SMAP2: variants seen among roughly 807,000 people sequenced by gnomAD.
SMAP2 encodes the protein small ArfGAP2, also known as stromal membrane-associated protein 2.
SMAP2 carries 25 observed loss-of-function variants against 56.4 expected under a neutral mutation model. That is an observed-to-expected ratio of 0.44 (90% CI 0.32 to 0.62). SMAP2 has a LOEUF of 0.62. Among genes scored for constraint, SMAP2 ranks in the 20% least tolerant of loss-of-function variants. SMAP2 has a pLI of 0.04. For synonymous variants in SMAP2, 157 were observed against 181.7 expected, an observed-to-expected ratio of 0.86 and a Z score of 1.09; for missense variants, 388 against 545.6, an observed-to-expected ratio of 0.71 and a Z score of 2.88.
Position 40,374,577 on chromosome 1 carries a change from T to G in SMAP2, c.103+354T>G, listed in dbSNP as rs1569836998. The G allele has an allele frequency of 1.1e-6, 1 of 927,252 alleles. No homozygotes were observed. Among genetic ancestry groups the G allele is most frequent in the Non-Finnish European group, 1.7e-6 (1 of 600,986 alleles). 57.4% of individuals were successfully genotyped at this position (927,252 alleles called of 1,614,324 possible). A position where few individuals can be genotyped will look rare whatever the true frequency, so the allele number is the denominator to read the frequency against. On this transcript the variant is annotated intron_variant, in intron 1 of 9. Coordinates refer to ENST00000372718, the MANE Select transcript of SMAP2 (RefSeq NM_022733.3). The surrounding 1 kb of genome is among the most constrained non-coding windows in gnomAD (Gnocchi z 5.9). ...CTTGCAAAGCTGGGGATGAACTGCATTGCGTGCGTGCGTGCGTGCGTGTGT... is the reference window on the plus strand; with the variant it reads ...CTTGCAAAGCTGGGGATGAACTGCAGTGCGTGCGTGCGTGCGTGCGTGTGT...
rs771798079 is a variant in SMAP2 at position 40,374,236 on chromosome 1, A to G, written c.103+13A>G. On this transcript the variant is annotated intron_variant, in intron 1 of 9. Coordinates refer to ENST00000372718, the MANE Select transcript of SMAP2 (RefSeq NM_022733.3). This position sits in a 1 kb window ranked among gnomAD's most constrained non-coding sequence, Gnocchi z 5.9. ...TGCCAGTCTAAAGGTAGCGCATCCC[A>G]CCTGGCGGGCCAGGGGTCCAGCCGC... 4 of 1,599,676 alleles carry G rather than the reference A, an allele frequency of 2.5e-6. No homozygotes were observed. In the Admixed American group the frequency reaches 6.9e-5, roughly 28 times the overall value.
At chr1:40,413,245 G>A (rs1384747375) in intron 5 of SMAP2, 143 bp downstream of exon 5, 5 of 683,084 alleles carry the variant, frequency 7.3e-6, no homozygotes, top group African/African-American at 1.8e-5. Context: ...TGGACTGCCT[G>A]CTATCATTTC....
At chr1:40,406,027 G>T (rs912419190) in intron 1 of SMAP2, among the ~76,000 whole-genome samples, 1 of 152,108 alleles carries the variant, frequency 6.6e-6, no homozygotes, top group African/African-American at 2.4e-5. Flanking sequence ...CCTGGGGTTG[G>T]GGGGAAGATA....
chr1:40,360,804 C>A (rs560542364), intron 1 of SMAP2, among the ~76,000 whole-genome samples: 2 of 152,308 alleles, frequency 1.3e-5, no homozygotes, highest in South Asian at 4.1e-4. Context: ...GCATTTAGAT[C>A]AATCCTCACC....
chr1:40,400,195 G>A (rs1269777725), intron 1 of SMAP2, among the ~76,000 whole-genome samples: 1 of 152,182 alleles, frequency 6.6e-6, no homozygotes, highest in Non-Finnish European at 1.5e-5. Flanking sequence ...CCTGAGGAAG[G>A]AACATGTTGG....
intron 1 of SMAP2, among the ~76,000 whole-genome samples, chr1:40,348,389 C>T (rs1346343820): frequency 6.6e-6 from 1 of 152,106 alleles, no homozygotes; most frequent in Non-Finnish European, 1.5e-5. Context: ...TCTTTGCCAA[C>T]ATGGAGGTTG....
Position 40,422,246 on chromosome 1 carries a change from G to A in SMAP2, c.*145G>A. 3 of 1,119,922 alleles carry A rather than the reference G, an allele frequency of 2.7e-6. No individual in the cohort carries two copies. The highest frequency in any genetic ancestry group is 3.8e-6 in the Non-Finnish European group (3 of 796,990). 69.4% of individuals were successfully genotyped at this position (1,119,922 alleles called of 1,614,324 possible). On this transcript the variant is annotated 3_prime_UTR_variant, in exon 10 of 10. Transcript: ENST00000372718. ...TAAGTCATTTGGGGTTTGGCATCCT[G>A]CCCAGCCACTTCCCAAACATGAAGA...
intron 6 of SMAP2, 64 bp from the exon 7 acceptor site, chr1:40,415,208 G>A: frequency 7.8e-7 from 1 of 1,280,408 alleles, no homozygotes; most frequent in Non-Finnish European, 1.1e-6. Context: ...TTTTTGTCTA[G>A]AATAGAAGGA....
intron 5 of SMAP2, 77 bp from the exon 6 acceptor site, chr1:40,414,082 C>T (rs1248569939): frequency 1.8e-5 from 24 of 1,297,958 alleles, no homozygotes; most frequent in Middle Eastern, 1.8e-4. Flanking sequence ...ACAAGAACAC[C>T]GTGGCTTTAC....
chr1:40,398,106 T>C (rs187918577), intron 1 of SMAP2, among the ~76,000 whole-genome samples: 339 of 152,348 alleles, frequency 2.2e-3, no homozygotes, highest in African/African-American at 7.4e-3. Context: ...AGAAAGCTCA[T>C]TGCAAACAAT....
intron 1 of SMAP2, among the ~76,000 whole-genome samples, chr1:40,389,924 C>T (rs3766412): frequency 6.7e-6 from 1 of 150,318 alleles, no homozygotes; most frequent in African/African-American, 2.5e-5. Flanking sequence ...TCCCCTCCCC[C>T]GCCCACCCCC....
In SMAP2 at chr1:40,423,135, C is replaced by G. The variant is rs924295135; in HGVS notation, c.*1034C>G. ...TTCATGCCTGTGTATCCAGGGTGCT[C>G]TGTTTCCCCACCGTTCCCAGGTGTA... is the stretch of plus-strand genomic sequence containing the variant. On this transcript the variant is annotated 3_prime_UTR_variant, in exon 10 of 10. Coordinates refer to ENST00000372718, the MANE Select transcript of SMAP2 (RefSeq NM_022733.3). 1 of 152,654 alleles carries G rather than the reference C, an allele frequency of 6.6e-6. No individual in the cohort carries two copies. Among genetic ancestry groups the G allele is most frequent in the Non-Finnish European group, 1.5e-5 (1 of 68,080 alleles). The allele number at this position is 152,654 out of a possible 1,614,324, so 9.5% of individuals were successfully genotyped here.
At chr1:40,401,084 C>T (rs1158702911) in intron 1 of SMAP2, among the ~76,000 whole-genome samples, 1 of 152,086 alleles carries the variant, frequency 6.6e-6, no homozygotes, top group Non-Finnish European at 1.5e-5. Context: ...AAGGTGAAAC[C>T]CCGTCTCTAC....
At chr1:40,390,118 T>A (rs866457933) in intron 1 of SMAP2, among the ~76,000 whole-genome samples, 28 of 152,180 alleles carry the variant, frequency 1.8e-4, no homozygotes, top group African/African-American at 5.3e-4. Flanking sequence ...ATCTCCATCT[T>A]TTGCTCTCCT....
chr1:40,357,132 T>C lies in SMAP2; in HGVS notation c.-82-5168T>C, dbSNP rs530158396. Among the ~76,000 whole-genome samples the C allele has an allele frequency of 3.3e-4, 40 of 121,064 alleles. 1 individual carries two copies. The highest frequency in any genetic ancestry group is 1.2e-3 in the African/African-American group (40 of 33,080). 79.4% of individuals were successfully genotyped at this position (121,064 alleles called of 152,430 possible). ...TCTGTGGGTTGTCTCTTCATTTTGTTGATTATTTCCTTTGGATTGTTGAGT... is the reference window on the plus strand; with the variant it reads ...TCTGTGGGTTGTCTCTTCATTTTGTCGATTATTTCCTTTGGATTGTTGAGT... On this transcript the variant is annotated intron_variant, in intron 1 of 6. Transcript: ENST00000435168.
At chr1:40,355,536 T>A (rs1251642175) in intron 1 of SMAP2, among the ~76,000 whole-genome samples, 1 of 152,214 alleles carries the variant, frequency 6.6e-6, no homozygotes, top group South Asian at 2.1e-4. Flanking sequence ...ATTCTTCGTG[T>A]TACAAACAAT....
chr1:40,411,381 C>G (rs1266210840), intron 4 of SMAP2, among the ~76,000 whole-genome samples: 1 of 152,172 alleles, frequency 6.6e-6, no homozygotes, highest in Non-Finnish European at 1.5e-5. Context: ...AAGATATGAA[C>G]TCAGATGAGG....
chr1:40,410,766 T>C (rs1016513831), intron 4 of SMAP2, among the ~76,000 whole-genome samples: 5 of 152,154 alleles, frequency 3.3e-5, no homozygotes, highest in Non-Finnish European at 7.3e-5. Flanking sequence ...GCATGATTTC[T>C]GAAAGAGGAA....
chr1:40,390,480 A>G (rs1307815479), intron 1 of SMAP2, among the ~76,000 whole-genome samples: 1 of 152,234 alleles, frequency 6.6e-6, no homozygotes, highest in Non-Finnish European at 1.5e-5. Flanking sequence ...ATTGAAAAAC[A>G]TCTTCTGCCT....
Sources: gnomAD v4.1 joint callset for allele counts (sites outside exome capture counted in the v4.1 genomes callset) on GRCh38, gnomAD v4.1.1 for gene constraint, Gnocchi (gnomAD v3.1) non-coding constraint, MANE v1.5 for transcripts, NCBI Gene and HGNC (gene_info 2026-07-23, HGNC 2026-07-21) for gene names.